The following DISC1 variants were observed in gnomAD, a reference collection of about 807,000 sequenced individuals.
DISC1 encodes disrupted in schizophrenia 1 protein.
DISC1 carries 57 observed loss-of-function variants against 84.5 expected under a neutral mutation model. That is an observed-to-expected ratio of 0.67 (90% confidence interval 0.55 to 0.84). DISC1 has a LOEUF of 0.84. Ranked by LOEUF, DISC1 falls within the 40% of genes least tolerant of loss-of-function variation. DISC1 has a pLI of 0.00. For missense variants in DISC1, 1,000 were observed against 1,057.8 expected, an observed-to-expected ratio of 0.95 and a Z score of 0.76; for synonymous variants, 411 against 415.2, an observed-to-expected ratio of 0.99 and a Z score of 0.12.
At chr1:231,721,190 T>C in intron 3 of DISC1, 1 of 1,056,944 alleles carries the variant, frequency 9.5e-7, no homozygotes, top group Non-Finnish European at 1.2e-6. Context: ...ATAAAAACTG[T>C]GCTGATTGAA....
chr1:231,866,452 C>T, intron 9 of DISC1: 1 of 764,558 alleles, frequency 1.3e-6, no homozygotes, highest in South Asian at 1.4e-5. Flanking sequence ...TAATGACCAA[C>T]AGCTAACACT....
intron 1 of DISC1, among the ~76,000 whole-genome samples, chr1:231,627,690 T>A (rs942026643): frequency 6.6e-6 from 1 of 152,188 alleles, no homozygotes; most frequent in African/African-American, 2.4e-5. Flanking sequence ...AGATTTGGAG[T>A]TAGGGAGTGC....
At chr1:231,771,692 G>A (rs895099434) in intron 6 of DISC1, 3 of 622,216 alleles carry the variant, frequency 4.8e-6, no homozygotes, top group South Asian at 7.2e-5. Context: ...TTACACTCCT[G>A]TTCATTAATT....
intron 9 of DISC1, among the ~76,000 whole-genome samples, chr1:231,853,316 G>A (rs890067388): frequency 6.6e-6 from 1 of 152,182 alleles, no homozygotes; most frequent in African/African-American, 2.4e-5. Flanking sequence ...TTGCCATTGT[G>A]TGAACGTCAT....
At chr1:231,817,543 T>C (rs1362260213) in intron 8 of DISC1, among the ~76,000 whole-genome samples, 3 of 152,260 alleles carry the variant, frequency 2.0e-5, no homozygotes, top group African/African-American at 7.2e-5. Flanking sequence ...TTTTAAATTA[T>C]TTGTCTTTAA....
intron 4 of DISC1, among the ~76,000 whole-genome samples, chr1:231,757,631 C>T (rs927069630): frequency 6.6e-6 from 1 of 152,102 alleles, no homozygotes; most frequent in Non-Finnish European, 1.5e-5. Context: ...TCTGTGGGGT[C>T]CTCTGGCCCA....
At chr1:231,862,198 G>A (rs2084719063) in intron 9 of DISC1, among the ~76,000 whole-genome samples, 1 of 152,152 alleles carries the variant, frequency 6.6e-6, no homozygotes, top group Non-Finnish European at 1.5e-5. Flanking sequence ...TAGAGTAGGT[G>A]GTGTTATACA....
chr1:231,718,588 C>T (rs937055352), intron 3 of DISC1, among the ~76,000 whole-genome samples: 4 of 152,112 alleles, frequency 2.6e-5, no homozygotes, highest in African/African-American at 9.7e-5. Flanking sequence ...AGGCATGTGC[C>T]ACCACACCTG....
intron 7 of DISC1, among the ~76,000 whole-genome samples, chr1:231,796,290 G>A (rs1361198838): frequency 2.0e-5 from 3 of 152,034 alleles, no homozygotes. Flanking sequence ...AGAGAACTGG[G>A]TATGAATCAT....
intron 4 of DISC1, among the ~76,000 whole-genome samples, chr1:231,764,879 G>T (rs2076043238): frequency 6.6e-6 from 1 of 152,106 alleles, no homozygotes; most frequent in Non-Finnish European, 1.5e-5. Flanking sequence ...GTTTTATGTT[G>T]TTTGGATTTT....
intron 3 of DISC1, chr1:231,721,065 A>G: frequency 1.5e-6 from 2 of 1,290,968 alleles, no homozygotes; most frequent in South Asian, 1.2e-5. Context: ...GCTTTTTTCC[A>G]GAGCCAGGTC....
intron 4 of DISC1, among the ~76,000 whole-genome samples, chr1:231,755,017 A>G (rs892049056): frequency 5.3e-4 from 81 of 152,118 alleles, no homozygotes; most frequent in African/African-American, 1.9e-3. Context: ...ATGACTTTCT[A>G]TTTGCTAAAT....
intron 6 of DISC1, among the ~76,000 whole-genome samples, chr1:231,777,317 G>A (rs1160841192): frequency 6.6e-6 from 1 of 152,006 alleles, no homozygotes; most frequent in Non-Finnish European, 1.5e-5. Flanking sequence ...TTACTCCTGA[G>A]CTCAAGTGAT....
At chr1:231,640,416 G>A (rs1288503195) in intron 1 of DISC1, among the ~76,000 whole-genome samples, 3 of 152,132 alleles carry the variant, frequency 2.0e-5, no homozygotes, top group Middle Eastern at 3.2e-3. Context: ...GCACATTCCC[G>A]GAGTGTAAGT....
At chr1:231,819,980 C>T (rs2759338) in intron 9 of DISC1, among the ~76,000 whole-genome samples, 14,284 of 152,124 alleles carry the variant, frequency 0.094, 968 homozygotes, top group East Asian at 0.35. Context: ...ATCTCATCAT[C>T]GTCACTTCAC....
chr1:231,863,940 G>A (rs1423717116), intron 9 of DISC1, among the ~76,000 whole-genome samples: 1 of 152,090 alleles, frequency 6.6e-6, no homozygotes, highest in Non-Finnish European at 1.5e-5. Context: ...GTCGCCTGAA[G>A]AGAAAAATGC....
intron 9 of DISC1, among the ~76,000 whole-genome samples, chr1:231,869,638 C>G (rs2125946910): frequency 6.6e-6 from 1 of 151,922 alleles, no homozygotes; most frequent in South Asian, 2.1e-4. Flanking sequence ...GCCAGGCTCT[C>G]TAGGGGAACT....
At chr1:231,701,052 G>A (rs2066355494) in intron 2 of DISC1, among the ~76,000 whole-genome samples, 1 of 152,116 alleles carries the variant, frequency 6.6e-6, no homozygotes, top group African/African-American at 2.4e-5. Context: ...CCCAAGTCTG[G>A]GTAATTTATA....
At chr1:231,799,428 C>T (rs2079009485) in intron 7 of DISC1, among the ~76,000 whole-genome samples, 1 of 152,100 alleles carries the variant, frequency 6.6e-6, no homozygotes, top group Non-Finnish European at 1.5e-5. Context: ...TCACATAGAG[C>T]TCGTATCCCG....
Sources: allele counts gnomAD v4.1 joint callset (sites outside exome capture counted in the v4.1 genomes callset), GRCh38; gene constraint gnomAD v4.1.1; transcripts MANE v1.5; gene names NCBI Gene and HGNC (gene_info 2026-07-23, HGNC 2026-07-21).